DOCK2: variants seen among roughly 807,000 people sequenced by gnomAD.
DOCK2 encodes the protein dedicator of cytokinesis 2, also known as dedicator of cytokinesis protein 2.
A neutral mutation model predicts 248.9 loss-of-function variants in DOCK2; 87 were observed. That is an observed-to-expected ratio of 0.35 (90% CI 0.29 to 0.42). The LOEUF (loss-of-function observed/expected upper bound fraction) is 0.42, where lower values mean the gene tolerates loss of function less well. Ranked by LOEUF, DOCK2 falls within the 10% of genes least tolerant of loss-of-function variation. The probability of loss-of-function intolerance (pLI) is 1.00; values close to 1 mark genes in which losing one functional copy is unlikely to be tolerated. For missense variants in DOCK2, 1,747 were observed against 2,300.2 expected, an observed-to-expected ratio of 0.76 and a Z score of 4.92; for synonymous variants, 805 against 821.6, an observed-to-expected ratio of 0.98 and a Z score of 0.35.
chr5:169,909,410 C>T (rs1244131455), intron 27 of DOCK2, among the ~76,000 whole-genome samples: 1 of 152,058 alleles, frequency 6.6e-6, no homozygotes, highest in Non-Finnish European at 1.5e-5. Flanking sequence ...AGATGCTATC[C>T]AATTTGCAAT....
chr5:169,840,719 T>C, intron 26 of DOCK2, 38 bp from the exon 27 acceptor site: 2 of 1,595,274 alleles, frequency 1.3e-6, no homozygotes, highest in Non-Finnish European at 1.7e-6. Flanking sequence ...AGATGCAGTG[T>C]CCTGGTTGTC....
chr5:169,952,189 G>T (rs1423953157), intron 27 of DOCK2, among the ~76,000 whole-genome samples: 1 of 152,162 alleles, frequency 6.6e-6, no homozygotes, highest in Non-Finnish European at 1.5e-5. Context: ...TCTCATCTTT[G>T]CAAATAAGAA....
chr5:169,808,523 A>G (rs1483877151), intron 26 of DOCK2, among the ~76,000 whole-genome samples: 2 of 152,006 alleles, frequency 1.3e-5, no homozygotes, highest in Non-Finnish European at 2.9e-5. Flanking sequence ...GTCTCTTAGC[A>G]TATGAAAGGG....
intron 3 of DOCK2, 51 bp from the exon 4 acceptor site, chr5:169,670,491 G>A: frequency 1.3e-6 from 2 of 1,592,438 alleles, no homozygotes; most frequent in Non-Finnish European, 1.7e-6. Context: ...CATTTCTGTG[G>A]TGATATATCT....
At position 170,082,950 on chromosome 5, in the gene DOCK2, G is replaced by A. The variant is rs183929574; in HGVS notation, c.*92G>A. On this transcript the variant is annotated 3_prime_UTR_variant, in exon 52 of 52. Transcript: ENST00000520908. ...GTGGAACATCGAAGCCTCAGAGAGT[G>A]GGAGACTGTCCCCATCAGTTGTCCT... 2.2e-3 allele frequency: 3,291 copies of A among 1,528,200 alleles called. 14 individuals carry two copies. Among genetic ancestry groups the A allele is most frequent in the Non-Finnish European group, 2.2e-3 (2,409 of 1,109,010 alleles). 94.7% of individuals were successfully genotyped at this position (1,528,200 alleles called of 1,614,324 possible).
chr5:170,011,100 A>G (rs1431286567), intron 32 of DOCK2, among the ~76,000 whole-genome samples: 4 of 152,210 alleles, frequency 2.6e-5, no homozygotes, highest in East Asian at 3.8e-4. Context: ...CTGAGGACCA[A>G]TAAAAAAATT....
rs542401820 is a variant in DOCK2 at position 169,638,067 on chromosome 5, C to T, written c.43+698C>T. ...GCTGGGGGAAGGGAGGCCTCAGGTG[C>T]TGCTACTCTAAGTGTCATCCGTGGT... On this transcript the variant is annotated intron_variant, in intron 1 of 51. Coordinates refer to ENST00000520908, the MANE Select transcript of DOCK2 (RefSeq NM_004946.3). 3.9e-4 allele frequency among the ~76,000 whole-genome samples: 59 copies of T among 152,304 alleles called. 1 individual carries two copies. In the South Asian group the frequency reaches 7.5e-3, roughly 19 times the overall value.
At chr5:169,788,575 C>G (rs1248041382) in intron 25 of DOCK2, among the ~76,000 whole-genome samples, 1 of 152,182 alleles carries the variant, frequency 6.6e-6, no homozygotes, top group Non-Finnish European at 1.5e-5. Flanking sequence ...CCTCTTCTAT[C>G]CTAATGATCA....
At chr5:169,723,919 A>G (rs1308904323) in intron 22 of DOCK2, among the ~76,000 whole-genome samples, 1 of 152,206 alleles carries the variant, frequency 6.6e-6, no homozygotes, top group Non-Finnish European at 1.5e-5. Flanking sequence ...CACTAAAGCA[A>G]CTAGAATGTA....
chr5:169,669,228 A>G, intron 2 of DOCK2, 60 bp from the exon 3 acceptor site: 1 of 1,473,054 alleles, frequency 6.8e-7, no homozygotes, highest in Non-Finnish European at 9.4e-7. Context: ...CAAAACAGAA[A>G]AACACTAGCA....
intron 33 of DOCK2, among the ~76,000 whole-genome samples, chr5:170,019,940 A>G (rs1755663018): frequency 6.6e-6 from 1 of 151,750 alleles, no homozygotes; most frequent in Non-Finnish European, 1.5e-5. Flanking sequence ...CCCCCAGTGC[A>G]TCTACCTCTT....
At chr5:169,691,683 T>TA (rs775914224) in intron 9 of DOCK2, among the ~76,000 whole-genome samples, 69 of 152,218 alleles carry the variant, frequency 4.5e-4, no homozygotes, top group Non-Finnish European at 7.8e-4. Context: ...AGCATGTGTC[T>TA]TGCTGGCCTT....
At chr5:169,752,635 A>G (rs769300020) in intron 23 of DOCK2, among the ~76,000 whole-genome samples, 5 of 151,902 alleles carry the variant, frequency 3.3e-5, no homozygotes, top group Admixed American at 6.6e-5. Context: ...CTAGTGGTGT[A>G]TGCTTGTGGT....
chr5:169,926,186 G>A (rs1775443680), intron 27 of DOCK2, among the ~76,000 whole-genome samples: 3 of 152,296 alleles, frequency 2.0e-5, no homozygotes, highest in Middle Eastern at 3.4e-3. Flanking sequence ...GCATGGATGT[G>A]GATAGGTAGA....
intron 32 of DOCK2, among the ~76,000 whole-genome samples, chr5:170,013,437 G>A (rs747142690): frequency 6.6e-6 from 1 of 152,046 alleles, no homozygotes; most frequent in Non-Finnish European, 1.5e-5. Context: ...GGCTATCCAA[G>A]TGGGCTCAGT....
intron 10 of DOCK2, 127 bp downstream of exon 10, chr5:169,696,065 G>A: frequency 7.8e-7 from 1 of 1,278,346 alleles, no homozygotes; most frequent in South Asian, 1.8e-5. Context: ...ATGCCAGACA[G>A]CCCTTAATAA....
At chr5:170,024,336 G>C (rs1755830605) in intron 33 of DOCK2, among the ~76,000 whole-genome samples, 1 of 151,102 alleles carries the variant, frequency 6.6e-6, no homozygotes, top group Admixed American at 6.6e-5. Context: ...GCATCATGAT[G>C]GAGTGTATGT....
intron 25 of DOCK2, among the ~76,000 whole-genome samples, chr5:169,799,247 A>C (rs901375705): frequency 3.9e-5 from 6 of 152,164 alleles, no homozygotes; most frequent in African/African-American, 1.4e-4. Context: ...CTTTTTTAGA[A>C]TCTCTTATTT....
intron 32 of DOCK2, among the ~76,000 whole-genome samples, chr5:170,018,547 AAC>A (rs1755613368): frequency 6.6e-6 from 1 of 152,214 alleles, no homozygotes; most frequent in South Asian, 2.1e-4. Context: ...CATTTCATAA[AAC>A]AGTTGGTAAA....
Sources: gnomAD v4.1 joint callset for allele counts (sites outside exome capture counted in the v4.1 genomes callset) on GRCh38, gnomAD v4.1.1 for gene constraint, MANE v1.5 for transcripts, NCBI Gene and HGNC (gene_info 2026-07-23, HGNC 2026-07-21) for gene names.